Variants in SAMD3 observed in about 807,000 individuals in gnomAD.
SAMD3 encodes the protein sterile alpha motif domain containing 3.
Under a neutral mutation model 58.5 loss-of-function variants are expected in SAMD3, and 63 were observed. The ratio of observed to expected loss-of-function variants is 1.08; its 90% CI spans 0.88 to 1.33. The LOEUF is 1.33. Ranked by LOEUF, SAMD3 falls within the 40% of genes most tolerant of loss-of-function variation. The pLI is 0.00. For synonymous variants in SAMD3, 220 were observed against 210.3 expected, an observed-to-expected ratio of 1.05 and a Z score of -0.40; for missense variants, 604 against 608.4, an observed-to-expected ratio of 0.99 and a Z score of 0.08.
intron 2 of SAMD3, among the ~76,000 whole-genome samples, chr6:130,277,965 T>C (rs1295257131): frequency 1.3e-5 from 2 of 152,194 alleles, no homozygotes; most frequent in Admixed American, 1.3e-4. Flanking sequence ...AGATTGCCTT[T>C]GTAGGACTAA....
intron 2 of SAMD3, among the ~76,000 whole-genome samples, chr6:130,242,963 T>C (rs1773414410): frequency 6.6e-6 from 1 of 152,122 alleles, no homozygotes. Flanking sequence ...TTGCCTGGGG[T>C]ATCTCAGGGA....
In SAMD3 at chr6:130,183,576, C is replaced by G. The variant is rs1353745277; in HGVS notation, c.654+527G>C. 5 of 363,780 alleles carry G rather than the reference C, an allele frequency of 1.4e-5. No homozygotes were observed. In the Admixed American group the frequency reaches 1.9e-4, roughly 14 times the overall value. 22.5% of individuals were successfully genotyped at this position (363,780 alleles called of 1,614,324 possible). ...TGTGTCACATCTCCTAAAGACCCTT[C>G]CTAACCCTTAAAACCCTTAAGACTC... On this transcript the variant is annotated intron_variant, in intron 7 of 11. Coordinates refer to ENST00000439090, the MANE Select transcript of SAMD3 (RefSeq NM_001017373.4).
At chr6:130,309,568 A>C (rs1776070492) in intron 2 of SAMD3, among the ~76,000 whole-genome samples, 1 of 152,232 alleles carries the variant, frequency 6.6e-6, no homozygotes, top group Admixed American at 6.5e-5. Context: ...CAAGTAGCAC[A>C]GGTGTGGTCC....
chr6:130,346,246 C>T (rs935134155), intron 1 of SAMD3, among the ~76,000 whole-genome samples: 1 of 152,150 alleles, frequency 6.6e-6, no homozygotes, highest in Non-Finnish European at 1.5e-5. Context: ...GTGCAGCACA[C>T]CGAGCATGAG....
intron 2 of SAMD3, chr6:130,215,825 G>A: frequency 2.0e-6 from 3 of 1,534,928 alleles, no homozygotes; most frequent in Non-Finnish European, 2.6e-6. Flanking sequence ...AGGAGAAGGA[G>A]ATTGTAACTT....
chr6:130,219,579 A>G (rs1371222058), intron 1 of SAMD3, among the ~76,000 whole-genome samples: 2 of 152,214 alleles, frequency 1.3e-5, no homozygotes, highest in African/African-American at 4.8e-5. Flanking sequence ...ATGAGAACAT[A>G]TGATATTTGG....
intron 2 of SAMD3, among the ~76,000 whole-genome samples, chr6:130,264,379 A>G (rs1774259577): frequency 6.6e-6 from 1 of 152,176 alleles, no homozygotes. Context: ...GGATGTGATG[A>G]GTTTAAGAAT....
chr6:130,310,850 C>G (rs1776126479), intron 2 of SAMD3, among the ~76,000 whole-genome samples: 1 of 152,172 alleles, frequency 6.6e-6, no homozygotes, highest in Non-Finnish European at 1.5e-5. Flanking sequence ...GAAATGGATC[C>G]TCCAGTGTGA....
At chr6:130,193,543 C>T (rs1270322642) in intron 5 of SAMD3, among the ~76,000 whole-genome samples, 1 of 152,084 alleles carries the variant, frequency 6.6e-6, no homozygotes, top group Non-Finnish European at 1.5e-5. Flanking sequence ...CCCCTTCCCT[C>T]TGTGTCTCTA....
At chr6:130,240,104 C>A (rs1345050883) in intron 2 of SAMD3, among the ~76,000 whole-genome samples, 2 of 152,182 alleles carry the variant, frequency 1.3e-5, no homozygotes, top group Non-Finnish European at 2.9e-5. Flanking sequence ...ATCAGCACAG[C>A]GCCTGGTATT....
At chr6:130,213,125 A>AT (rs1795708780) in intron 4 of SAMD3, among the ~76,000 whole-genome samples, 1 of 152,032 alleles carries the variant, frequency 6.6e-6, no homozygotes, top group Non-Finnish European at 1.5e-5. Flanking sequence ...TTGTTTAAAA[A>AT]ATAAAAATAA....
intron 2 of SAMD3, among the ~76,000 whole-genome samples, chr6:130,306,779 A>G (rs909107737): frequency 6.6e-6 from 1 of 152,246 alleles, no homozygotes; most frequent in Non-Finnish European, 1.5e-5. Context: ...AGAATGAGAC[A>G]GAGAATGTTC....
At chr6:130,194,092 C>G (rs1233834386) in intron 5 of SAMD3, among the ~76,000 whole-genome samples, 1 of 152,200 alleles carries the variant, frequency 6.6e-6, no homozygotes, top group Non-Finnish European at 1.5e-5. Context: ...CACCACCCCT[C>G]CTCACACCCA....
At chr6:130,168,677 C>A (rs1263977571) in intron 8 of SAMD3, among the ~76,000 whole-genome samples, 1 of 152,128 alleles carries the variant, frequency 6.6e-6, no homozygotes, top group Non-Finnish European at 1.5e-5. Flanking sequence ...TCAACATTTT[C>A]GATCTCTGCA....
chr6:130,264,936 C>T (rs974268356), intron 2 of SAMD3, among the ~76,000 whole-genome samples: 1 of 152,204 alleles, frequency 6.6e-6, no homozygotes, highest in African/African-American at 2.4e-5. Context: ...CTCAAAACAA[C>T]TAGATGGGGT....
chr6:130,227,767 G>A (rs192578292), upstream of SAMD3, among the ~76,000 whole-genome samples: 50 of 142,042 alleles, frequency 3.5e-4, no homozygotes, highest in Non-Finnish European at 4.2e-4. Context: ...CAGCCTGTGC[G>A]ACAAAAGCAA....
chr6:130,167,582 C>A (rs576717897), intron 8 of SAMD3, among the ~76,000 whole-genome samples: 1 of 152,300 alleles, frequency 6.6e-6, no homozygotes, highest in South Asian at 2.1e-4. Flanking sequence ...TGAAATTACT[C>A]AGTTAAGTGT....
intron 2 of SAMD3, among the ~76,000 whole-genome samples, chr6:130,228,153 T>C (rs1447045493): frequency 6.6e-6 from 1 of 152,204 alleles, no homozygotes; most frequent in African/African-American, 2.4e-5. Context: ...TAATATGATA[T>C]ACATGTTGTA....
intron 8 of SAMD3, among the ~76,000 whole-genome samples, chr6:130,166,152 T>C (rs996898684): frequency 2.0e-5 from 3 of 152,138 alleles, no homozygotes; most frequent in African/African-American, 7.2e-5. Context: ...GCCCAGGATG[T>C]CATTCTGTGA....
Sources: gnomAD v4.1 joint callset for allele counts (sites outside exome capture counted in the v4.1 genomes callset) on GRCh38, gnomAD v4.1.1 for gene constraint, MANE v1.5 for transcripts, NCBI Gene and HGNC (gene_info 2026-07-23, HGNC 2026-07-21) for gene names.